Variants in MTFMT observed in about 807,000 individuals in gnomAD.
MTFMT encodes the protein mitochondrial methionyl-tRNA formyltransferase.
In MTFMT, 47 loss-of-function variants were observed where a neutral mutation model predicts 51.8. The ratio of observed to expected loss-of-function variants is 0.91; its 90% CI spans 0.72 to 1.16. The LOEUF (loss-of-function observed/expected upper bound fraction) is 1.16. Among genes scored for constraint, MTFMT ranks in the 50% most tolerant of loss-of-function variants. MTFMT has a pLI of 0.00. For missense variants in MTFMT, 512 were observed against 482.3 expected, an observed-to-expected ratio of 1.06 and a Z score of -0.58; for synonymous variants, 196 against 176.7, an observed-to-expected ratio of 1.11 and a Z score of -0.87.
At chr15:65,028,988 G>T (rs1195984518) in intron 1 of MTFMT, among the ~76,000 whole-genome samples, 1 of 152,280 alleles carries the variant, frequency 6.6e-6, no homozygotes, top group African/African-American at 2.4e-5. Flanking sequence ...AGGGAACTTT[G>T]AAGTGGGACC....
chr15:65,027,679 A>G (rs1163627279), intron 1 of MTFMT, among the ~76,000 whole-genome samples: 1 of 152,102 alleles, frequency 6.6e-6, no homozygotes, highest in Non-Finnish European at 1.5e-5. Context: ...TCCTTTTAAC[A>G]ATGCTATATA....
intron 6 of MTFMT, among the ~76,000 whole-genome samples, chr15:65,008,282 T>C (rs1195906279): frequency 6.6e-6 from 1 of 152,180 alleles, no homozygotes; most frequent in Non-Finnish European, 1.5e-5. Context: ...GTTATCCCAA[T>C]ACTATTTACT....
chr15:65,026,968 C>A lies in MTFMT; in HGVS notation c.282G>T (p.Leu94=), dbSNP rs1357161140. The change falls in exon 2 of 9, where the codon CTG becomes CTT. Residue 94 remains leucine, a synonymous_variant. Coordinates refer to ENST00000220058, the MANE Select transcript of MTFMT (RefSeq NM_139242.4). ...ACTGCACAGCATATTGCTTCACTGG[C>A]AGTCCTTTTGGTGATGGGGAAGGCA... ...VTMPSPSPKG[L]PVKQYAVQSQ... is the part of the protein sequence containing the mutation. The A allele has an allele frequency of 2.5e-6, 4 of 1,613,982 alleles. No individual in the cohort carries two copies. In the South Asian group the frequency reaches 3.3e-5, roughly 13 times the overall value.
chr15:65,029,594 C>T lies in MTFMT; in HGVS notation c.20G>A (p.Arg7His), dbSNP rs2086462506. The T allele has an allele frequency of 2.1e-6, 3 of 1,461,784 alleles. No individual in the cohort carries two copies. Among genetic ancestry groups the T allele is most frequent in the Non-Finnish European group, 1.8e-6 (2 of 1,104,134 alleles). The allele number at this position is 1,461,784 out of a possible 1,614,324, so 90.6% of individuals were successfully genotyped here. Residue 7 changes from arginine (R) to histidine (H), a missense_variant, in exon 1 of 9, where the codon CGC becomes CAC. Physicochemically the swap from Arg to His is conservative, Grantham distance 29. Coordinates refer to ENST00000220058, the MANE Select transcript of MTFMT (RefSeq NM_139242.4). ...ATGAGCCAGCGGAGGACCCCAACAG[C>T]GCCGCACCAACACCCTCATCGCCTC... MRVLVRRCWGPPLAHGA... is the reference protein window; with the variant it reads MRVLVRHCWGPPLAHGA...
chr15:65,003,343 G>T, intron 8 of MTFMT, 87 bp from the exon 9 acceptor site: 1 of 1,031,556 alleles, frequency 9.7e-7, no homozygotes, highest in Non-Finnish European at 1.4e-6. Context: ...TTTTTATCAT[G>T]GAAACAAACA....
rs765532671 is a variant in MTFMT at position 65,003,059 on chromosome 15, T to A, written c.*3A>T. On this transcript the variant is annotated 3_prime_UTR_variant, in exon 9 of 9. Coordinates refer to ENST00000220058, the MANE Select transcript of MTFMT (RefSeq NM_139242.4). Reference sequence around the variant, plus strand: ...AATAGGTTTTTATCCATCTTCTTCCTAACTACTCAATGCATTGTTGCATAG... The same window carrying A: ...AATAGGTTTTTATCCATCTTCTTCCAAACTACTCAATGCATTGTTGCATAG... 14 of 1,520,340 alleles carry A rather than the reference T, an allele frequency of 9.2e-6. No homozygotes were observed. The East Asian group carries it at 3.2e-4, about 35-fold the overall frequency. The allele number at this position is 1,520,340 out of a possible 1,614,324, so 94.2% of individuals were successfully genotyped here.
intron 8 of MTFMT, among the ~76,000 whole-genome samples, chr15:65,004,069 T>C (rs983147416): frequency 6.6e-6 from 1 of 151,496 alleles, no homozygotes; most frequent in Admixed American, 6.6e-5. Flanking sequence ...CAGGCTGGAG[T>C]GTGATGGCAC....
chr15:65,024,661 T>C (rs897767124), intron 2 of MTFMT, among the ~76,000 whole-genome samples: 2 of 151,792 alleles, frequency 1.3e-5, no homozygotes, highest in Non-Finnish European at 2.9e-5. Flanking sequence ...CTGTTCTAAG[T>C]GTTAGGCATA....
chr15:65,029,580 G>T lies in MTFMT; in HGVS notation c.34C>A (p.Pro12Thr), dbSNP rs933296601. ...CCACGCCTGGCGCCATGAGCCAGCGGAGGACCCCAACAGCGCCGCACCAAC... is the reference window on the plus strand; with the variant it reads ...CCACGCCTGGCGCCATGAGCCAGCGTAGGACCCCAACAGCGCCGCACCAAC... ...RVLVRRCWGP[P>T]LAHGARRGRP... The change falls in exon 1 of 9, where the codon CCG becomes ACG. Residue 12 changes from proline to threonine, a missense_variant. Transcript: ENST00000220058. 4.3e-5 allele frequency: 65 copies of T among 1,498,690 alleles called. No homozygotes were observed. In the Middle Eastern group the frequency reaches 1.0e-3, roughly 24 times the overall value. 92.8% of individuals were successfully genotyped at this position (1,498,690 alleles called of 1,614,324 possible). A position where few individuals can be genotyped will look rare whatever the true frequency, so the allele number is the denominator to read the frequency against.
chr15:65,016,443 C>T lies in MTFMT; in HGVS notation c.806G>A (p.Gly269Glu). 1 of 1,599,724 alleles carries T rather than the reference C, an allele frequency of 6.3e-7. No individual in the cohort carries two copies. The highest frequency in any genetic ancestry group is 1.1e-5 in the South Asian group (1 of 89,024). The change falls in exon 6 of 9, where the codon GGA becomes GAA. Residue 269 changes from glycine (G) to glutamate (E), a missense_variant. Physicochemically the swap from Gly to Glu is moderately conservative, Grantham distance 98. Transcript: ENST00000220058. ...CCTGACTTCCCAACTTACTATATTT[C>T]CAATGGCACGGTAAAGTCTGAATAT... The part of the protein sequence containing the change: ...EQIFRLYRAI[G>E]NIIPLQTLWM...
chr15:65,011,088 G>A (rs1464283738), intron 6 of MTFMT, among the ~76,000 whole-genome samples: 1 of 152,188 alleles, frequency 6.6e-6, no homozygotes, highest in Non-Finnish European at 1.5e-5. Context: ...TAGGGAGGCT[G>A]AGGCAGGTGG....
chr15:65,023,603 G>GC, intron 3 of MTFMT, 69 bp downstream of exon 3: 2 of 1,511,826 alleles, frequency 1.3e-6, no homozygotes, highest in East Asian at 2.3e-5. Context: ...TTCATCCACT[G>GC]CCCCCCAAAC....
intron 6 of MTFMT, among the ~76,000 whole-genome samples, chr15:65,011,119 C>T (rs2086260893): frequency 6.6e-6 from 1 of 151,832 alleles, no homozygotes; most frequent in Non-Finnish European, 1.5e-5. Flanking sequence ...GATAGGAGTT[C>T]GAGACCAGCC....
intron 6 of MTFMT, among the ~76,000 whole-genome samples, chr15:65,010,419 G>T (rs1190641590): frequency 1.3e-5 from 2 of 152,050 alleles, no homozygotes. Context: ...CCAGCCTATG[G>T]ATTTGCCTAT....
intron 6 of MTFMT, among the ~76,000 whole-genome samples, chr15:65,014,379 C>T (rs2086298467): frequency 7.2e-6 from 1 of 139,640 alleles, no homozygotes; most frequent in South Asian, 2.2e-4. Flanking sequence ...GGCTGGTGTG[C>T]AATGTGCAAT....
At chr15:65,013,287 C>T (rs368713305) in intron 6 of MTFMT, among the ~76,000 whole-genome samples, 12 of 142,840 alleles carry the variant, frequency 8.4e-5, no homozygotes, top group East Asian at 5.9e-4. Context: ...CTTTCTTCTT[C>T]TTTTTTTTTT....
chr15:65,016,087 T>G, intron 6 of MTFMT: 1 of 160,140 alleles, frequency 6.2e-6, no homozygotes, highest in Admixed American at 6.3e-5. Context: ...AAGCACAGGA[T>G]TAGGAGTGAG....
intron 2 of MTFMT, 74 bp from the exon 3 acceptor site, chr15:65,023,868 C>A: frequency 7.7e-7 from 1 of 1,306,510 alleles, no homozygotes; most frequent in Non-Finnish European, 1.0e-6. Flanking sequence ...AGCTATTATG[C>A]TACTTTTCAT....
At chr15:65,013,469 G>A (rs1257944296) in intron 6 of MTFMT, among the ~76,000 whole-genome samples, 1 of 152,024 alleles carries the variant, frequency 6.6e-6, no homozygotes, top group East Asian at 1.9e-4. Flanking sequence ...CCTTTATCAA[G>A]TTGAGGAAAT....
Sources: allele counts gnomAD v4.1 joint callset (sites outside exome capture counted in the v4.1 genomes callset), GRCh38; gene constraint gnomAD v4.1.1; transcripts MANE v1.5; gene names NCBI Gene and HGNC (gene_info 2026-07-23, HGNC 2026-07-21).